The following HIVEP3 variants were observed in gnomAD, a reference collection of about 807,000 sequenced individuals.
The protein encoded by HIVEP3 is transcription factor HIVEP3.
HIVEP3 carries 49 observed loss-of-function variants against 152.8 expected under a neutral mutation model. The ratio of observed to expected loss-of-function variants is 0.32; its 90% CI spans 0.26 to 0.41. The LOEUF is 0.41. Ranked by LOEUF, HIVEP3 falls within the 10% of genes least tolerant of loss-of-function variation. The probability of loss-of-function intolerance (pLI) is 1.00; values close to 1 mark genes in which losing one functional copy is unlikely to be tolerated. For missense variants in HIVEP3, 2,790 were observed against 3,103.3 expected (o/e 0.90, Z 2.40); for synonymous variants, 1,269 against 1,289.0 (o/e 0.98, Z 0.33).
intron 1 of HIVEP3, among the ~76,000 whole-genome samples, chr1:41,881,514 A>G (rs919919163): frequency 2.0e-5 from 3 of 152,242 alleles, no homozygotes; most frequent in Non-Finnish European, 4.4e-5. Flanking sequence ...TCTGGTAAAT[A>G]CATAGTAATC....
chr1:41,766,958 C>T (rs1270741510), intron 1 of HIVEP3, among the ~76,000 whole-genome samples: 1 of 152,222 alleles, frequency 6.6e-6, no homozygotes, highest in African/African-American at 2.4e-5. Flanking sequence ...CAAAATTGTC[C>T]TACCCAATGG....
chr1:41,538,422 CTGA>C (rs1643450677), intron 5 of HIVEP3, among the ~76,000 whole-genome samples: 1 of 152,174 alleles, frequency 6.6e-6, no homozygotes, highest in African/African-American at 2.4e-5. Flanking sequence ...AGGATTCTTG[CTGA>C]TGAGGCAAGC....
chr1:41,525,503 T>G (rs1366720962), intron 5 of HIVEP3, among the ~76,000 whole-genome samples: 1 of 152,128 alleles, frequency 6.6e-6, no homozygotes, highest in African/African-American at 2.4e-5. Context: ...CTGTCCAGTC[T>G]GCCAGGAAGC....
upstream of HIVEP3, among the ~76,000 whole-genome samples, chr1:41,919,354 A>G (rs138746777): frequency 5.1e-4 from 78 of 152,246 alleles, no homozygotes; most frequent in African/African-American, 1.5e-3. Context: ...GGGAGCCTCA[A>G]CAGTGCCTGA....
At chr1:41,529,992 A>G (rs1643195884) in intron 5 of HIVEP3, among the ~76,000 whole-genome samples, 1 of 124,378 alleles carries the variant, frequency 8.0e-6, no homozygotes, top group South Asian at 2.8e-4. Flanking sequence ...ATGCACACAC[A>G]CCACACACTT....
chr1:41,513,445 C>T lies in HIVEP3; in HGVS notation c.5776G>A (p.Ala1926Thr). 6.2e-7 allele frequency: 1 copy of T among 1,611,878 alleles called. No homozygotes were observed. The highest frequency in any genetic ancestry group is 8.5e-7 in the Non-Finnish European group (1 of 1,179,654). The change falls in exon 8 of 9, where the codon GCC (alanine) becomes ACC (threonine). Residue 1926 changes from alanine (A) to threonine (T), a missense_variant. Transcript: ENST00000372583. ...TGGCTGGACATGGAGCAGCTGCTGG[C>T]TGTCAGGCGCTCAGCTTCCGAGACC... ...SSVSEAERLT[A>T]SSCSMSSQSM... is the part of the protein sequence containing the mutation.
intron 1 of HIVEP3, among the ~76,000 whole-genome samples, chr1:41,761,884 A>G (rs766945536): frequency 2.0e-5 from 3 of 152,236 alleles, no homozygotes; most frequent in Non-Finnish European, 2.9e-5. Context: ...ATCCCTAGTG[A>G]AAAACTGACT....
chr1:41,782,943 ACTCC>A (rs1270670821), intron 1 of HIVEP3, among the ~76,000 whole-genome samples: 1 of 151,788 alleles, frequency 6.6e-6, no homozygotes, highest in Non-Finnish European at 1.5e-5. Flanking sequence ...CTCCCCCCAC[ACTCC>A]CTGTCAATGT....
intron 5 of HIVEP3, among the ~76,000 whole-genome samples, chr1:41,565,894 A>G (rs1644155531): frequency 6.6e-6 from 1 of 152,226 alleles, no homozygotes; most frequent in African/African-American, 2.4e-5. Context: ...CTCTGGGTCC[A>G]GCATACTCAG....
intron 4 of HIVEP3, among the ~76,000 whole-genome samples, chr1:41,579,530 T>C (rs1644368198): frequency 6.6e-6 from 1 of 152,254 alleles, no homozygotes; most frequent in African/African-American, 2.4e-5. Flanking sequence ...GAAGTGTATC[T>C]ATTCCAATGA....
intron 1 of HIVEP3, among the ~76,000 whole-genome samples, chr1:41,792,069 A>G (rs1649731276): frequency 6.6e-6 from 1 of 152,116 alleles, no homozygotes; most frequent in Admixed American, 6.5e-5. Context: ...TATGCCCCCA[A>G]ATATCTACCA....
chr1:41,794,183 G>C (rs1429545256), intron 1 of HIVEP3, among the ~76,000 whole-genome samples: 1 of 152,222 alleles, frequency 6.6e-6, no homozygotes, highest in Non-Finnish European at 1.5e-5. Flanking sequence ...GACGTAGGAA[G>C]AGCAATGGGA....
At position 41,540,351 on chromosome 1, in the gene HIVEP3, C is replaced by T. The variant is rs144820605; in HGVS notation, c.5208-15441G>A. On this transcript the variant is annotated intron_variant, in intron 5 of 8. Transcript: ENST00000372583. The stretch of plus-strand genomic sequence containing the variant: ...GCTCAAGGTGTCAGCACCATGAAGG[C>T]CGTGAAACAGTTTTTGATCTATCTG... Among the ~76,000 whole-genome samples, 327 of 152,342 alleles carry T rather than the reference C, an allele frequency of 2.1e-3. 1 individual carries two copies. The highest frequency in any genetic ancestry group is 5.2e-3 in the South Asian group (25 of 4,820).
intron 1 of HIVEP3, among the ~76,000 whole-genome samples, chr1:41,988,008 A>G (rs144927018): frequency 5.2e-4 from 79 of 152,360 alleles, no homozygotes; most frequent in African/African-American, 1.9e-3. Context: ...TAGGAATTAT[A>G]GGTCGAGATG....
intron 2 of HIVEP3, among the ~76,000 whole-genome samples, chr1:41,682,776 C>T: frequency 6.6e-6 from 1 of 152,108 alleles, no homozygotes. Flanking sequence ...CAGGGCTGTG[C>T]TCTGGGGGAC....
Position 41,954,513 on chromosome 1 carries a change from C to A in HIVEP3, n.120-35989G>T, listed in dbSNP as rs527270627. On this transcript the variant is annotated intron_variant and non_coding_transcript_variant, in intron 1 of 3. Transcript: ENST00000489103. ...TGGCACAGGCCAGGTGGTTTCACCC[C>A]ACCCTGCGGGGTCTGGCTCCAACCT... 8.5e-5 allele frequency among the ~76,000 whole-genome samples: 13 copies of A among 152,398 alleles called. No individual in the cohort carries two copies. In the East Asian group the frequency reaches 2.3e-3, roughly 27 times the overall value.
intron 2 of HIVEP3, among the ~76,000 whole-genome samples, chr1:41,649,748 G>A (rs1382854505): frequency 6.6e-6 from 1 of 152,156 alleles, no homozygotes; most frequent in Non-Finnish European, 1.5e-5. Context: ...GTCCCCTGGG[G>A]ATGAGTTCCA....
intron 1 of HIVEP3, among the ~76,000 whole-genome samples, chr1:41,772,307 A>G (rs1648426662): frequency 6.6e-6 from 1 of 152,208 alleles, no homozygotes; most frequent in African/African-American, 2.4e-5. Context: ...GCTGGGATGA[A>G]CTAATCTCTT....
At chr1:41,719,218 C>G (rs972436938) in intron 1 of HIVEP3, among the ~76,000 whole-genome samples, 4 of 152,158 alleles carry the variant, frequency 2.6e-5, no homozygotes, top group African/African-American at 9.7e-5. Context: ...ATTTATTGCT[C>G]TATATGAAAA....
Sources: allele counts gnomAD v4.1 joint callset (sites outside exome capture counted in the v4.1 genomes callset), GRCh38; gene constraint gnomAD v4.1.1; transcripts MANE v1.5; gene names NCBI Gene and HGNC (gene_info 2026-07-23, HGNC 2026-07-21).